The following ACSS2 variants were observed in gnomAD, a reference collection of about 807,000 sequenced individuals.
The protein encoded by ACSS2 is acetyl-coenzyme A synthetase, cytoplasmic.
A neutral mutation model predicts 90.6 loss-of-function variants in ACSS2; 58 were observed. The ratio of observed to expected loss-of-function variants is 0.64; its 90% CI spans 0.52 to 0.80. The LOEUF (loss-of-function observed/expected upper bound fraction) is 0.80, where lower values mean the gene tolerates loss of function less well. Ranked by LOEUF, ACSS2 falls within the 30% of genes least tolerant of loss-of-function variation. The pLI is 0.00. For missense variants in ACSS2, 759 were observed against 912.0 expected, an observed-to-expected ratio of 0.83 and a Z score of 2.16; for synonymous variants, 300 against 330.9, an observed-to-expected ratio of 0.91 and a Z score of 1.01.
intron 14 of ACSS2, among the ~76,000 whole-genome samples, chr20:34,925,110 C>G (rs2081288866): frequency 6.6e-6 from 1 of 152,162 alleles, no homozygotes; most frequent in Non-Finnish European, 1.5e-5. Context: ...AACAAATTAT[C>G]CCAAAAGTTG....
At chr20:34,894,530 T>G (rs2080417380) in intron 2 of ACSS2, among the ~76,000 whole-genome samples, 4 of 151,938 alleles carry the variant, frequency 2.6e-5, no homozygotes, top group Admixed American at 1.3e-4. Flanking sequence ...CTGGGTATGG[T>G]CATGCATGCC....
At chr20:34,890,947 CAA>C (rs5841185) in intron 2 of ACSS2, among the ~76,000 whole-genome samples, 53 of 109,796 alleles carry the variant, frequency 4.8e-4, no homozygotes, top group African/African-American at 7.9e-4. Flanking sequence ...TATTTGAGGC[CAA>C]AAAAAAAAAA....
chr20:34,913,525 A>G, intron 4 of ACSS2, 29 bp downstream of exon 4: 14 of 1,220,052 alleles, frequency 1.1e-5, no homozygotes, highest in East Asian at 2.5e-5. Flanking sequence ...GAAAAGGGGC[A>G]GGCGGGGGGG....
intron 7 of ACSS2, 121 bp from the exon 8 acceptor site, chr20:34,919,314 C>T (rs1841158372): frequency 2.8e-6 from 4 of 1,451,500 alleles, no homozygotes; most frequent in Admixed American, 3.8e-5. Context: ...CTTGAAGGGC[C>T]TTCTCTCCCT....
intron 7 of ACSS2, among the ~76,000 whole-genome samples, chr20:34,916,539 T>C (rs976891619): frequency 7.2e-5 from 11 of 152,260 alleles, no homozygotes; most frequent in African/African-American, 2.6e-4. Context: ...CCAGAGACCT[T>C]CAGGCCAAAG....
chr20:34,918,286 C>T (rs2081120515), intron 7 of ACSS2, among the ~76,000 whole-genome samples: 1 of 152,150 alleles, frequency 6.6e-6, no homozygotes, highest in Admixed American at 6.5e-5. Context: ...AAGTGATTTG[C>T]CCAAGGTCAT....
chr20:34,903,016 A>G (rs2080708193), intron 2 of ACSS2, among the ~76,000 whole-genome samples: 1 of 150,884 alleles, frequency 6.6e-6, no homozygotes, highest in Non-Finnish European at 1.5e-5. Flanking sequence ...TACAGGCATG[A>G]GCCACCATGC....
rs2081339596 is a variant in ACSS2, at chr20:34,927,204, C to A, written c.2096C>A (p.Thr699Asn). 16 of 1,613,714 alleles carry A rather than the reference C, an allele frequency of 9.9e-6. No individual in the cohort carries two copies. The highest frequency in any genetic ancestry group is 1.3e-5 in the Non-Finnish European group (15 of 1,180,042). Residue 699 changes from threonine (T) to asparagine (N), a missense_variant, in exon 18 of 18, where the codon ACC (threonine) becomes AAC (asparagine). By Grantham distance (65) the Thr-to-Asn change is moderately conservative. Transcript: ENST00000360596. This position sits in a 1 kb window ranked among gnomAD's most constrained non-coding sequence, Gnocchi z 4.2. ...ISHLFSHRCL[T>N]IQ ...CACCTCTTCAGCCACCGCTGCCTGA[C>A]CATCCAGTGAACATGATCCTGACCT...
chr20:34,881,837 A>G (rs1366049529), intron 1 of ACSS2, among the ~76,000 whole-genome samples: 1 of 152,242 alleles, frequency 6.6e-6, no homozygotes, highest in Non-Finnish European at 1.5e-5. Context: ...ATGAGATAAT[A>G]CATATGAAAA....
intron 2 of ACSS2, among the ~76,000 whole-genome samples, chr20:34,907,160 C>T (rs1403436363): frequency 6.6e-6 from 1 of 151,468 alleles, no homozygotes; most frequent in East Asian, 1.9e-4. Flanking sequence ...CCCTGTCACC[C>T]AGGGTGGAGT....
intron 2 of ACSS2, among the ~76,000 whole-genome samples, chr20:34,900,342 T>C (rs968669624): frequency 6.6e-6 from 1 of 151,722 alleles, no homozygotes; most frequent in African/African-American, 2.4e-5. Flanking sequence ...GCTAAATTTT[T>C]TTTTTTTTTT....
chr20:34,899,423 T>TTTCTTTCTTTCTCTTTCTTTCCTTCC (rs1491564858), intron 2 of ACSS2, among the ~76,000 whole-genome samples: 20 of 113,074 alleles, frequency 1.8e-4, no homozygotes, highest in African/African-American at 6.0e-4. Flanking sequence ...TCTTTCTTTC[T>TTTCTTTCTTTCTCTTTCTTTCCTTCC]TTCCTTCCTT....
Position 34,876,697 on chromosome 20 carries a change from G to C in ACSS2, c.52G>C (p.Glu18Gln). The C allele has an allele frequency of 7.0e-7, 1 of 1,435,472 alleles. No homozygotes were observed. Among genetic ancestry groups the C allele is most frequent in the Non-Finnish European group, 9.2e-7 (1 of 1,085,962 alleles). 88.9% of individuals were successfully genotyped at this position (1,435,472 alleles called of 1,614,324 possible). The change falls in exon 1 of 18, where the codon GAG (glutamate) becomes CAG (glutamine). Residue 18 changes from glutamate to glutamine, a missense_variant. Physicochemically the swap from Glu to Gln is conservative, Grantham distance 29. Transcript: ENST00000360596. ...VRSGSGSRGQ[E>Q]EAGAGGRARS... ...GAGCGGCAGCGGGAGCCGGGGCCAG[G>C]AGGAAGCTGGAGCCGGAGGCCGGGC...
At chr20:34,883,044 A>T in intron 2 of ACSS2, 55 bp downstream of exon 2, 1 of 1,390,836 alleles carries the variant, frequency 7.2e-7, no homozygotes, top group Non-Finnish European at 9.9e-7. Flanking sequence ...TTTGATACTT[A>T]CAACAACCCA....
intron 1 of ACSS2, among the ~76,000 whole-genome samples, chr20:34,881,176 G>A (rs537230749): frequency 7.9e-5 from 12 of 151,036 alleles, no homozygotes; most frequent in East Asian, 3.9e-4. Context: ...ACAAGCACCC[G>A]CTACCACACC....
intron 2 of ACSS2, among the ~76,000 whole-genome samples, chr20:34,897,730 G>A (rs2080500006): frequency 6.6e-6 from 1 of 152,044 alleles, no homozygotes; most frequent in African/African-American, 2.4e-5. Flanking sequence ...TTGGGAGGCT[G>A]AGGCAGGAGA....
At chr20:34,891,973 T>C (rs79891347) in intron 2 of ACSS2, among the ~76,000 whole-genome samples, 1,639 of 152,364 alleles carry the variant, frequency 0.011, 31 homozygotes, top group African/African-American at 0.035. Flanking sequence ...CAACTTCTTA[T>C]ACTGGCATGT....
chr20:34,876,727 A>G lies in ACSS2; in HGVS notation c.82A>G (p.Ser28Gly), dbSNP rs1400761294. 6.9e-7 allele frequency: 1 copy of G among 1,444,084 alleles called. No homozygotes were observed. The allele number at this position is 1,444,084 out of a possible 1,614,324, so 89.5% of individuals were successfully genotyped here. Residue 28 changes from serine (S) to glycine (G), a missense_variant, in exon 1 of 18, where the codon AGT becomes GGT. Transcript: ENST00000360596. ...AGCTGGAGCCGGAGGCCGGGCGCGG[A>G]GTTGGTCTCCGCCGCCCGAGGTCAG... Reference protein sequence around the residue: ...EEAGAGGRARSWSPPPEVSRS... With the variant: ...EEAGAGGRARGWSPPPEVSRS...
chr20:34,890,298 C>A (rs1196073058), intron 2 of ACSS2, among the ~76,000 whole-genome samples: 1 of 152,164 alleles, frequency 6.6e-6, no homozygotes, highest in Non-Finnish European at 1.5e-5. Context: ...CTGCAAAATA[C>A]AGACTTTGGT....
Sources: gnomAD v4.1 joint callset for allele counts (sites outside exome capture counted in the v4.1 genomes callset) on GRCh38, gnomAD v4.1.1 for gene constraint, Gnocchi (gnomAD v3.1) non-coding constraint, MANE v1.5 for transcripts, NCBI Gene and HGNC (gene_info 2026-07-23, HGNC 2026-07-21) for gene names.